The following LINGO1 variants were observed in gnomAD, a reference collection of about 807,000 sequenced individuals.
LINGO1 encodes leucine-rich repeat and immunoglobulin-like domain-containing nogo receptor-interacting protein 1.
Under a neutral mutation model 37.3 loss-of-function variants are expected in LINGO1, and 11 were observed. The observed-to-expected ratio is 0.29, with a 90% confidence interval of 0.19 to 0.49. The LOEUF (loss-of-function observed/expected upper bound fraction) is 0.49. Among genes scored for constraint, LINGO1 ranks in the 20% least tolerant of loss-of-function variants. The pLI is 0.99. For synonymous variants in LINGO1, 387 were observed against 403.0 expected (o/e 0.96, Z 0.48); for missense variants, 585 against 878.2 (o/e 0.67, Z 4.22).
At chr15:77,784,719 AG>A in intron 1 of LINGO1, 1 of 148,742 alleles carries the variant, frequency 6.7e-6, no homozygotes, top group African/African-American at 2.5e-5. Context: ...CAGAGGCATG[AG>A]TAGTCTTACA....
At position 77,632,322 on chromosome 15, in the gene LINGO1, C is replaced by T. The variant is rs2141080082; in HGVS notation, c.-7G>A. 1.4e-6 allele frequency: 2 copies of T among 1,439,556 alleles called. No individual in the cohort carries two copies. Among genetic ancestry groups the T allele is most frequent in the Non-Finnish European group, 9.1e-7 (1 of 1,097,048 alleles). 89.2% of individuals were successfully genotyped at this position (1,439,556 alleles called of 1,614,324 possible). ...CCGCCTGGCTCACCTGCATCTCGGGCGCGCCTTCGGTCCGCTCGGCTCGGT... is the reference window on the plus strand; with the variant it reads ...CCGCCTGGCTCACCTGCATCTCGGGTGCGCCTTCGGTCCGCTCGGCTCGGT... On this transcript the variant is annotated 5_prime_UTR_variant, in exon 1 of 2. Coordinates refer to ENST00000355300, the MANE Select transcript of LINGO1 (RefSeq NM_032808.7). The surrounding 1 kb of genome is among the most constrained non-coding windows in gnomAD (Gnocchi z 6.0).
chr15:77,724,249 A>C (rs1306107643), intron 2 of LINGO1, among the ~76,000 whole-genome samples: 1 of 152,156 alleles, frequency 6.6e-6, no homozygotes, highest in African/African-American at 2.4e-5. Context: ...TGCACACATG[A>C]CTGAAGCCTG....
intron 1 of LINGO1, among the ~76,000 whole-genome samples, chr15:77,616,671 C>A (rs1372963783): frequency 5.3e-5 from 8 of 152,178 alleles, no homozygotes; most frequent in Non-Finnish European, 1.2e-4. Flanking sequence ...CTGGTGGGAT[C>A]TGTGACTCTC....
chr15:77,619,183 C>G (rs2073841420), intron 1 of LINGO1, among the ~76,000 whole-genome samples: 1 of 152,140 alleles, frequency 6.6e-6, no homozygotes, highest in Non-Finnish European at 1.5e-5. Flanking sequence ...GTCTCACCTG[C>G]TAGAGAGTGA....
intron 1 of LINGO1, among the ~76,000 whole-genome samples, chr15:77,810,223 A>AACACACAC: frequency 7.4e-6 from 1 of 135,578 alleles, no homozygotes; most frequent in Non-Finnish European, 1.6e-5. Flanking sequence ...CACACACACA[A>AACACACAC]ACATACACAC....
chr15:77,669,951 T>C (rs2075219041), intron 3 of LINGO1, among the ~76,000 whole-genome samples: 1 of 152,188 alleles, frequency 6.6e-6, no homozygotes, highest in Non-Finnish European at 1.5e-5. Context: ...CACCCAAATG[T>C]TCATGAATGA....
chr15:77,777,964 GGAGGGAGGGAGTAAGGGAGT>G (rs953322669), intron 1 of LINGO1, among the ~76,000 whole-genome samples: 2 of 151,654 alleles, frequency 1.3e-5, no homozygotes, highest in Admixed American at 1.3e-4. Flanking sequence ...AGGAAGGGAG[GGAGGGAGGGAGTAAGGGAGT>G]GAGGGAGGGG....
rs375633103 is a variant in LINGO1 at position 77,614,197 on chromosome 15, G to A, written c.1710C>T (p.Gly570=). Residue 570 remains glycine (G), a synonymous_variant, in exon 2 of 2, where the codon GGC becomes GGT. Coordinates refer to ENST00000355300, the MANE Select transcript of LINGO1 (RefSeq NM_032808.7). ...GCAGCACCAGGCAGAAGAGGACGAC[G>A]CCCAGGAAAGAGATGAAGCCCATGG... ...ATTMGFISFL[G]VVLFCLVLLF... 2.1e-5 allele frequency: 34 copies of A among 1,613,890 alleles called. No homozygotes were observed. In the African/African-American group the frequency reaches 3.1e-4, roughly 15 times the overall value.
intron 3 of LINGO1, among the ~76,000 whole-genome samples, chr15:77,655,201 G>C (rs1157542014): frequency 2.0e-5 from 3 of 152,206 alleles, no homozygotes; most frequent in Admixed American, 1.3e-4. Flanking sequence ...CTTCCTGGAA[G>C]GAGGGCTGGT....
At chr15:77,781,256 C>T (rs2076714089) in intron 1 of LINGO1, among the ~76,000 whole-genome samples, 1 of 152,152 alleles carries the variant, frequency 6.6e-6, no homozygotes, top group South Asian at 2.1e-4. Context: ...TTCCAGTTTT[C>T]CTCTTCTGCC....
At chr15:77,641,966 C>A in intron 3 of LINGO1, 1 of 456,702 alleles carries the variant, frequency 2.2e-6, no homozygotes, top group Admixed American at 2.3e-5. Context: ...GGGTAAGTCA[C>A]CTGCCCTCTC....
chr15:77,702,637 AAG>A (rs2075799281), intron 2 of LINGO1, among the ~76,000 whole-genome samples: 1 of 152,282 alleles, frequency 6.6e-6, no homozygotes, highest in Non-Finnish European at 1.5e-5. Context: ...AGTGGCCAGA[AAG>A]AGTTGCAGAC....
chr15:77,668,955 C>CA (rs2075196943), intron 3 of LINGO1, among the ~76,000 whole-genome samples: 1 of 152,126 alleles, frequency 6.6e-6, no homozygotes, highest in African/African-American at 2.4e-5. Context: ...AAGCCACGGA[C>CA]AAGCCAAGCA....
At chr15:77,678,511 A>C (rs537384253) in intron 2 of LINGO1, among the ~76,000 whole-genome samples, 5 of 152,138 alleles carry the variant, frequency 3.3e-5, no homozygotes. Context: ...CTTGAATCAG[A>C]ATGTCTTTCT....
In LINGO1 at chr15:77,710,181, C is replaced by T. The variant is rs112687229; in HGVS notation, c.-194-19280G>A. ...GGGCTGTCCCTCACCCCCACCAACA[C>T]CCGGCACTCAGCTCCACCCTTCACG... On this transcript the variant is annotated intron_variant, in intron 2 of 3. Transcript: ENST00000561686. Among the ~76,000 whole-genome samples the T allele has an allele frequency of 5.3e-3, 811 of 152,360 alleles. 12 individuals are homozygous for T. The highest frequency in any genetic ancestry group is 0.018 in the African/African-American group (753 of 41,586).
rs1007524950 is a variant in LINGO1 at position 77,630,144 on chromosome 15, C to G, written c.6+2166G>C. 2.6e-5 allele frequency among the ~76,000 whole-genome samples: 4 copies of G among 152,206 alleles called. No homozygotes were observed. The South Asian group carries it at 8.3e-4, about 32-fold the overall frequency. On this transcript the variant is annotated intron_variant, in intron 1 of 1. Coordinates refer to ENST00000355300, the MANE Select transcript of LINGO1 (RefSeq NM_032808.7). ...AGACTCCAGCCAGCAAGCTAAGGCC[C>G]TGACTCTGAAACCACCACACCTACT...
At chr15:77,684,367 C>T (rs2141234889) in intron 2 of LINGO1, among the ~76,000 whole-genome samples, 1 of 152,324 alleles carries the variant, frequency 6.6e-6, no homozygotes, top group South Asian at 2.1e-4. Flanking sequence ...CTTGCTCAAG[C>T]TCACACAGCC....
chr15:77,764,951 T>C (rs746522750), intron 1 of LINGO1, among the ~76,000 whole-genome samples: 1 of 152,178 alleles, frequency 6.6e-6, no homozygotes, highest in African/African-American at 2.4e-5. Flanking sequence ...CCACGGCAGA[T>C]TGAAGGCATG....
chr15:77,737,847 C>T (rs2076218473), intron 1 of LINGO1, among the ~76,000 whole-genome samples: 1 of 151,580 alleles, frequency 6.6e-6, no homozygotes. Context: ...GCATCCGAGG[C>T]CCCAGGGCTC....
Sources: gnomAD v4.1 joint callset for allele counts (sites outside exome capture counted in the v4.1 genomes callset) on GRCh38, gnomAD v4.1.1 for gene constraint, Gnocchi (gnomAD v3.1) non-coding constraint, MANE v1.5 for transcripts, NCBI Gene and HGNC (gene_info 2026-07-23, HGNC 2026-07-21) for gene names.